Variants in NRK observed in about 807,000 individuals in gnomAD.
NRK encodes Nik related kinase, also known as nik-related protein kinase.
A neutral mutation model predicts 125.2 loss-of-function variants in NRK; 67 were observed. The ratio of observed to expected loss-of-function variants is 0.54; its 90% CI spans 0.44 to 0.66. NRK has a LOEUF of 0.66. Ranked by LOEUF, NRK falls within the 30% of genes least tolerant of loss-of-function variation. The pLI is 0.00. For synonymous variants in NRK, 458 were observed against 429.0 expected (o/e 1.07, Z -0.84); for missense variants, 1,224 against 1,192.9 (o/e 1.03, Z -0.38).
At chrX:105,893,678 C>T (rs2040043446) in intron 5 of NRK, among the ~76,000 whole-genome samples, 154 bp from the exon 6 acceptor site, 1 of 112,010 alleles carries the variant, frequency 8.9e-6, no homozygotes, top group Admixed American at 9.5e-5. Flanking sequence ...ATTTCGCTAG[C>T]CTTTGGAGTC....
At chrX:105,832,334 T>C (rs1183039191) in intron 2 of NRK, among the ~76,000 whole-genome samples, 1 of 111,387 alleles carries the variant, frequency 9.0e-6, no homozygotes, top group African/African-American at 3.3e-5. Flanking sequence ...ATGGACAGTG[T>C]TAAGGGCTGG....
intron 9 of NRK, among the ~76,000 whole-genome samples, chrX:105,904,465 G>A (rs979931916): frequency 8.9e-6 from 1 of 111,794 alleles, no homozygotes; most frequent in East Asian, 2.8e-4. Context: ...AATATCAATA[G>A]CTGATATTTA....
chrX:105,936,691 A>C (rs1453590516), intron 21 of NRK, among the ~76,000 whole-genome samples: 1 of 111,532 alleles, frequency 9.0e-6, no homozygotes, highest in African/African-American at 3.3e-5. Context: ...AGTAGTTTGA[A>C]GTGTAATTTA....
chrX:105,844,051 CTGTG>C (rs2039370295), intron 2 of NRK, among the ~76,000 whole-genome samples: 1 of 72,754 alleles, frequency 1.4e-5, no homozygotes, highest in Admixed American at 1.5e-4. Flanking sequence ...GTCTGTGTGT[CTGTG>C]TGTCTGTGTG....
At chrX:105,939,331 T>G (rs1300956097) in intron 22 of NRK, among the ~76,000 whole-genome samples, 1 of 111,719 alleles carries the variant, frequency 9.0e-6, no homozygotes, top group Non-Finnish European at 1.9e-5. Context: ...TTGATGAAAT[T>G]TACAATTAGG....
intron 2 of NRK, among the ~76,000 whole-genome samples, chrX:105,861,268 C>G (rs937211840): frequency 8.9e-6 from 1 of 112,148 alleles, no homozygotes; most frequent in Non-Finnish European, 1.9e-5. Context: ...GCATTTATGT[C>G]TTCCTTGGAT....
chrX:105,854,733 C>T (rs183213011), intron 2 of NRK, among the ~76,000 whole-genome samples: 1 of 111,563 alleles, frequency 9.0e-6, no homozygotes, highest in East Asian at 2.8e-4. Flanking sequence ...GTAATTGGCT[C>T]CTTTTATTCT....
At chrX:105,874,993 G>A (rs1218169823) in intron 2 of NRK, among the ~76,000 whole-genome samples, 1 of 111,551 alleles carries the variant, frequency 9.0e-6, no homozygotes, top group East Asian at 2.8e-4. Context: ...ATTTAGTTGT[G>A]TCAGCATAAA....
At chrX:105,917,807 C>G (rs1253480145) in intron 16 of NRK, 135 bp downstream of exon 16, 3 of 371,356 alleles carry the variant, frequency 8.1e-6, no homozygotes, top group Non-Finnish European at 1.4e-5. Context: ...AGGATTAGGA[C>G]CTGAAGGCCA....
intron 16 of NRK, 145 bp from the exon 17 acceptor site, chrX:105,921,819 C>A: frequency 2.7e-6 from 1 of 363,740 alleles, no homozygotes; most frequent in Non-Finnish European, 4.8e-6. Flanking sequence ...TGAGAATTTT[C>A]AGGTGATACT....
intron 26 of NRK, among the ~76,000 whole-genome samples, 152 bp downstream of exon 26, chrX:105,946,616 G>A (rs1415037454): frequency 3.6e-5 from 4 of 112,178 alleles, no homozygotes; most frequent in Non-Finnish European, 7.5e-5. Context: ...CCAGAAAGTG[G>A]TCTTGCATAA....
At chrX:105,926,728 A>G (rs886286311) in intron 19 of NRK, among the ~76,000 whole-genome samples, 11 of 111,156 alleles carry the variant, frequency 9.9e-5, no homozygotes, top group African/African-American at 3.6e-4. Flanking sequence ...TAGTTCTCCC[A>G]GCACCATTTA....
chrX:105,923,865 T>G (rs1261160011), intron 18 of NRK, among the ~76,000 whole-genome samples: 3 of 91,132 alleles, frequency 3.3e-5, no homozygotes, highest in East Asian at 7.1e-4. Context: ...ACATAGCTAT[T>G]CATTTCTCAA....
chrX:105,891,819 T>G (rs2040019093), intron 5 of NRK, among the ~76,000 whole-genome samples: 1 of 112,300 alleles, frequency 8.9e-6, no homozygotes, highest in Non-Finnish European at 1.9e-5. Context: ...CTGTTTTCTC[T>G]CAGATGTCCA....
At chrX:105,921,388 G>T (rs1214583937) in intron 16 of NRK, among the ~76,000 whole-genome samples, 1 of 106,235 alleles carries the variant, frequency 9.4e-6, no homozygotes, top group East Asian at 3.0e-4. Context: ...ACTAGATGAC[G>T]AGTTAGTGGG....
In NRK at chrX:105,941,555, A is replaced by AG. The variant is rs2040741294; in HGVS notation, c.3958+1523_3958+1524insG. The stretch of plus-strand genomic sequence containing the variant: ...TAAGCTAGACCCAGAGAGAGACAGA[A>AG]AGAGAGAGAGAGAGAGAGAGAGAGA... On this transcript the variant is annotated intron_variant, in intron 23 of 28. Transcript: ENST00000243300. 3.7e-3 allele frequency among the ~76,000 whole-genome samples: 318 copies of AG among 85,266 alleles called. 2 individuals are homozygous for AG. Among genetic ancestry groups the AG allele is most frequent in the African/African-American group, 0.013 (288 of 21,466 alleles). The allele number at this position is 85,266 out of a possible 115,157, so 74.0% of individuals were successfully genotyped here.
In NRK at chrX:105,946,208, A is replaced by G. The variant is rs139711540; in HGVS notation, c.4204-107A>G. ...ATACAATATGCCATTTTAAAAATCC[A>G]CCTGGGTTTTGTACACTTATAAACC... On this transcript the variant is annotated intron_variant, in intron 25 of 28. Coordinates refer to ENST00000243300, the MANE Select transcript of NRK (RefSeq NM_198465.4). 3.4e-3 allele frequency: 2,780 copies of G among 809,151 alleles called. 56 individuals carry two copies. In the African/African-American group the frequency reaches 0.051, roughly 15 times the overall value. The allele number at this position is 809,151 out of a possible 1,213,427, so 66.7% of individuals were successfully genotyped here. A position where few individuals can be genotyped will look rare whatever the true frequency, so the allele number is the denominator to read the frequency against.
At position 105,906,391 on chromosome X, in the gene NRK, C is replaced by T. The variant is rs1367601865; in HGVS notation, c.846-23C>T. ...GACAGGACTGAGAACACTTTTTTTT[C>T]CTCTCTTTGACTCATTTTTTAGGTC... is the stretch of plus-strand genomic sequence containing the variant. On this transcript the variant is annotated intron_variant, in intron 10 of 28. Transcript: ENST00000243300. 46 of 1,032,599 alleles carry T rather than the reference C, an allele frequency of 4.5e-5. No individual in the cohort carries two copies. The Admixed American group carries it at 4.7e-4, about 11-fold the overall frequency. The allele number at this position is 1,032,599 out of a possible 1,213,427, so 85.1% of individuals were successfully genotyped here.
At position 105,916,223 on chromosome X, in the gene NRK, A is replaced by G. The variant is rs187204968; in HGVS notation, c.2417+426A>G. 1.5e-3 allele frequency among the ~76,000 whole-genome samples: 165 copies of G among 110,949 alleles called. 2 individuals are homozygous for G. Among genetic ancestry groups the G allele is most frequent in the African/African-American group, 5.2e-3 (159 of 30,737 alleles). The stretch of plus-strand genomic sequence containing the variant: ...ATGGGTAAGCCTAAAAATGTCCTAT[A>G]GTCAAAATCAAATCTAAAACTCAAT... On this transcript the variant is annotated intron_variant, in intron 15 of 28. Transcript: ENST00000243300.
Sources: allele counts gnomAD v4.1 joint callset (sites outside exome capture counted in the v4.1 genomes callset), GRCh38; gene constraint gnomAD v4.1.1; transcripts MANE v1.5; gene names NCBI Gene and HGNC (gene_info 2026-07-23, HGNC 2026-07-21).